The following RABEP1 variants were observed in gnomAD, a reference collection of about 807,000 sequenced individuals.
RABEP1 encodes the protein rabaptin, RAB GTPase binding effector protein 1.
In RABEP1, 51 loss-of-function variants were observed where a neutral mutation model predicts 123.4. The ratio of observed to expected loss-of-function variants is 0.41; its 90% CI spans 0.33 to 0.52. The LOEUF is 0.52. Among genes scored for constraint, RABEP1 ranks in the 20% least tolerant of loss-of-function variants. The pLI, the probability that RABEP1 is intolerant of heterozygous loss-of-function variation, is 0.16. For missense variants in RABEP1, 888 were observed against 996.3 expected (o/e 0.89, Z 1.46); for synonymous variants, 347 against 355.2 (o/e 0.98, Z 0.26).
rs141168528 is a variant in RABEP1 at position 5,284,709 on chromosome 17, A to ACCTG, written c.34+2193_34+2196dup. 7.3e-3 allele frequency among the ~76,000 whole-genome samples: 1,107 copies of ACCTG among 152,128 alleles called. 10 individuals are homozygous for ACCTG. The highest frequency in any genetic ancestry group is 0.025 in the African/African-American group (1,056 of 41,484). On this transcript the variant is annotated intron_variant, in intron 1 of 17. Transcript: ENST00000537505. Reference sequence around the variant, plus strand: ...CCAAACTCCTGAACTCAAGGGATCCACCTGCCTACACTTCCCAAAGTGCTA... The same window carrying ACCTG: ...CCAAACTCCTGAACTCAAGGGATCCACCTGCCTGCCTACACTTCCCAAAGTGCTA...
At chr17:5,359,608 A>G (rs1415852991) in intron 8 of RABEP1, among the ~76,000 whole-genome samples, 2 of 152,162 alleles carry the variant, frequency 1.3e-5, no homozygotes, top group East Asian at 1.9e-4. Context: ...ATGAGTAACA[A>G]TCTTTAAAAG....
chr17:5,295,677 A>ACACAGAAAG (rs961557427), intron 1 of RABEP1, among the ~76,000 whole-genome samples: 2 of 152,168 alleles, frequency 1.3e-5, no homozygotes, highest in African/African-American at 4.8e-5. Context: ...ACTGTCTGAG[A>ACACAGAAAG]CCAACTGGAA....
chr17:5,367,574 TAAAAC>T lies in RABEP1; in HGVS notation c.1786-795_1786-791del, dbSNP rs1490932416. Among the ~76,000 whole-genome samples the T allele has an allele frequency of 3.2e-4, 48 of 150,650 alleles. 2 individuals are homozygous for T. The highest frequency in any genetic ancestry group is 2.0e-3 in the South Asian group (9 of 4,566). ...GTGAGTCACCGTGCCCAGCCAAGGG[TAAAAC>T]TTTTTTTTAAAAAAAGTATGGATAG... On this transcript the variant is annotated intron_variant, in intron 11 of 17. Transcript: ENST00000537505.
At position 5,315,621 on chromosome 17, in the gene RABEP1, C is replaced by T. The variant is rs572957024; in HGVS notation, c.163+6799C>T. On this transcript the variant is annotated intron_variant, in intron 2 of 17. Transcript: ENST00000537505. ...ATCCCAACATTTTGGGAGGCTGAGG[C>T]GGGTGGATCACTTGAGGTCAGGAGT... Among the ~76,000 whole-genome samples, 7 of 152,182 alleles carry T rather than the reference C, an allele frequency of 4.6e-5. No homozygotes were observed. In the South Asian group the frequency reaches 8.3e-4, roughly 18 times the overall value.
intron 1 of RABEP1, among the ~76,000 whole-genome samples, chr17:5,286,628 C>T (rs1002409502): frequency 2.0e-5 from 3 of 152,188 alleles, no homozygotes; most frequent in African/African-American, 7.2e-5. Context: ...GTGAATCATT[C>T]AGCCATTAAT....
In RABEP1 at chr17:5,384,641, A is replaced by G. The variant is rs1911791986; in HGVS notation, c.*1418A>G. The G allele has an allele frequency of 1.4e-5, 3 of 213,536 alleles. No individual in the cohort carries two copies. In the South Asian group the frequency reaches 5.6e-4, roughly 40 times the overall value. 13.2% of individuals were successfully genotyped at this position (213,536 alleles called of 1,614,324 possible). On this transcript the variant is annotated 3_prime_UTR_variant, in exon 18 of 18. Transcript: ENST00000537505. The stretch of plus-strand genomic sequence containing the variant: ...CTGTACTTCTGTCTTCCATAGGACA[A>G]ATGATAAGTACTACATACCTCATCT...
Position 5,377,170 on chromosome 17 carries a change from G to A in RABEP1, c.2080G>A (p.Ala694Thr), listed in dbSNP as rs555576717. The change falls in exon 14 of 18, where the codon GCA (alanine) becomes ACA (threonine). Residue 694 changes from alanine to threonine, a missense_variant. Physicochemically the swap from Ala to Thr is moderately conservative, Grantham distance 58. Coordinates refer to ENST00000537505, the MANE Select transcript of RABEP1 (RefSeq NM_004703.6). The stretch of plus-strand genomic sequence containing the variant: ...TGAGGACATCATTAATGTGCGGACA[G>A]CAGCAGACCACGTAGAAGAAAAGCT... ...YREDIINVRT[A>T]ADHVEEKLKA... 17 of 1,612,602 alleles carry A rather than the reference G, an allele frequency of 1.1e-5. No homozygotes were observed. The East Asian group carries it at 3.6e-4, about 34-fold the overall frequency.
rs150883726 is a variant in RABEP1, at chr17:5,384,146, G to T, written c.*923G>T. 504 of 214,182 alleles carry T rather than the reference G, an allele frequency of 2.4e-3. 2 individuals are homozygous for T. The highest frequency in any genetic ancestry group is 4.0e-3 in the Admixed American group (68 of 17,122). The allele number at this position is 214,182 out of a possible 1,614,324, so 13.3% of individuals were successfully genotyped here. A position where few individuals can be genotyped will look rare whatever the true frequency, so the allele number is the denominator to read the frequency against. ...TTCAAATGTGTCAAATACAAAAATG[G>T]TAACTAGGTTGACAGATACTTTGTA... On this transcript the variant is annotated 3_prime_UTR_variant, in exon 18 of 18. Coordinates refer to ENST00000537505, the MANE Select transcript of RABEP1 (RefSeq NM_004703.6).
chr17:5,378,354 T>C, intron 15 of RABEP1, 122 bp downstream of exon 15: 1 of 980,480 alleles, frequency 1.0e-6, no homozygotes, highest in South Asian at 1.3e-5. Context: ...GGAACTTTTG[T>C]CTTGTGGGAA....
At chr17:5,284,156 A>C (rs1209495649) in intron 1 of RABEP1, 1 of 152,222 alleles carries the variant, frequency 6.6e-6, no homozygotes, top group Non-Finnish European at 1.5e-5. Flanking sequence ...ACCGTCTGGA[A>C]TCAAAATTCC....
chr17:5,309,860 G>C (rs1334304171), intron 2 of RABEP1, among the ~76,000 whole-genome samples: 1 of 152,132 alleles, frequency 6.6e-6, no homozygotes, highest in African/African-American at 2.4e-5. Flanking sequence ...CATCACCTGG[G>C]AAAGTTGTTA....
In RABEP1 at chr17:5,375,193, T is replaced by C. The variant is rs374160206; in HGVS notation, c.2025+1739T>C. Among the ~76,000 whole-genome samples, 12 of 151,670 alleles carry C rather than the reference T, an allele frequency of 7.9e-5. No homozygotes were observed. In the South Asian group the frequency reaches 2.1e-3, roughly 27 times the overall value. ...AGATTCAATCTCTATAATTTGGACC[T>C]CATTCTTTTTTCCTATATATGTATT... On this transcript the variant is annotated intron_variant, in intron 13 of 17. Coordinates refer to ENST00000537505, the MANE Select transcript of RABEP1 (RefSeq NM_004703.6).
chr17:5,356,266 G>T lies in RABEP1; in HGVS notation c.1095+1776G>T, dbSNP rs117563126. 0.012 allele frequency among the ~76,000 whole-genome samples: 1,796 copies of T among 152,218 alleles called. 74 individuals carry two copies. The East Asian group carries it at 0.14, about 12-fold the overall frequency. ...AGCTACTCAGGTGACTGAGGCATGA[G>T]AATTGTTTGAACCCGGGAGGTGGAG... On this transcript the variant is annotated intron_variant, in intron 8 of 17. Coordinates refer to ENST00000537505, the MANE Select transcript of RABEP1 (RefSeq NM_004703.6).
At chr17:5,337,016 G>A (rs1044371270) in intron 4 of RABEP1, among the ~76,000 whole-genome samples, 1 of 152,104 alleles carries the variant, frequency 6.6e-6, no homozygotes, top group African/African-American at 2.4e-5. Context: ...AAGGAAAAAA[G>A]CCAACTTTTT....
At chr17:5,333,780 G>A (rs899238494) in intron 3 of RABEP1, among the ~76,000 whole-genome samples, 9 of 152,084 alleles carry the variant, frequency 5.9e-5, no homozygotes, top group African/African-American at 2.2e-4. Context: ...TTCATCCTTA[G>A]CATATGGTTT....
At chr17:5,296,343 A>G (rs930984040) in intron 1 of RABEP1, among the ~76,000 whole-genome samples, 4 of 152,142 alleles carry the variant, frequency 2.6e-5, no homozygotes, top group African/African-American at 9.7e-5. Flanking sequence ...AGCTCACCAC[A>G]ACCTCCGCCT....
At chr17:5,305,029 T>A (rs2075167980) in intron 1 of RABEP1, among the ~76,000 whole-genome samples, 1 of 152,222 alleles carries the variant, frequency 6.6e-6, no homozygotes, top group African/African-American at 2.4e-5. Context: ...CTAATGATAG[T>A]GACCTATTAG....
chr17:5,347,527 A>G (rs1386388288), intron 6 of RABEP1, among the ~76,000 whole-genome samples: 1 of 152,168 alleles, frequency 6.6e-6, no homozygotes, highest in East Asian at 1.9e-4. Flanking sequence ...TTTTCCCCCC[A>G]CACTCATTTT....
At chr17:5,323,781 T>TATATATATATCTAGGA (rs1905658542) in intron 2 of RABEP1, among the ~76,000 whole-genome samples, 1 of 70,460 alleles carries the variant, frequency 1.4e-5, no homozygotes, top group African/African-American at 6.0e-5. Flanking sequence ...TATCTAGGAA[T>TATATATATATCTAGGA]ATATATATAT....
Sources: gnomAD v4.1 joint callset for allele counts (sites outside exome capture counted in the v4.1 genomes callset) on GRCh38, gnomAD v4.1.1 for gene constraint, MANE v1.5 for transcripts, NCBI Gene and HGNC (gene_info 2026-07-23, HGNC 2026-07-21) for gene names.